Variants in MYCBP2 observed in about 807,000 individuals in gnomAD.
The protein encoded by MYCBP2 is MYC binding protein 2, also known as E3 ubiquitin-protein ligase MYCBP2.
Under a neutral mutation model 525.3 loss-of-function variants are expected in MYCBP2, and 120 were observed. The observed-to-expected ratio is 0.23, with a 90% CI of 0.20 to 0.27. The LOEUF is 0.27. Among genes scored for constraint, MYCBP2 ranks in the 10% least tolerant of loss-of-function variants. The pLI is 1.00. For synonymous variants in MYCBP2, 1,894 were observed against 1,955.8 expected (o/e 0.97, Z 0.83); for missense variants, 4,149 against 5,657.1 (o/e 0.73, Z 8.55).
At chr13:77,236,000 C>T (rs2067865543) in intron 17 of MYCBP2, among the ~76,000 whole-genome samples, 1 of 151,992 alleles carries the variant, frequency 6.6e-6, no homozygotes, top group South Asian at 2.1e-4. Context: ...CTATGAATAG[C>T]CTTTTGGTTT....
intron 55 of MYCBP2, among the ~76,000 whole-genome samples, chr13:77,110,708 C>T (rs1399183953): frequency 6.6e-6 from 1 of 152,112 alleles, no homozygotes; most frequent in Non-Finnish European, 1.5e-5. Flanking sequence ...CTGTAAAATT[C>T]CTCTTTGTAC....
At position 77,267,929 on chromosome 13, in the gene MYCBP2, T is replaced by C. The variant is rs907405582; in HGVS notation, c.1269A>G (p.Leu423=). ...TGTGGTTATTCACATCTCTATATAA[T>C]AAATAACCCTGATAACAGCAAAAAA... ...KSWLGYAQGY[L]LYRDVNNHSM... Residue 423 remains leucine, a synonymous_variant, in exon 8 of 83, where the codon TTA becomes TTG. Transcript: ENST00000544440. The C allele has an allele frequency of 1.2e-6, 2 of 1,610,264 alleles. No homozygotes were observed. The highest frequency in any genetic ancestry group is 2.7e-5 in the African/African-American group (2 of 74,718).
intron 43 of MYCBP2, among the ~76,000 whole-genome samples, chr13:77,163,986 ATC>A (rs1400686954): frequency 6.6e-6 from 1 of 152,168 alleles, no homozygotes; most frequent in East Asian, 1.9e-4. Context: ...ATCCTAAGCT[ATC>A]TTCTCTTTCT....
intron 18 of MYCBP2, among the ~76,000 whole-genome samples, chr13:77,226,239 C>T (rs185466071): frequency 6.6e-6 from 1 of 152,238 alleles, no homozygotes; most frequent in East Asian, 1.9e-4. Context: ...CTTCTTTCCT[C>T]CTCCCTTCTC....
At chr13:77,270,593 A>C in intron 5 of MYCBP2, 55 bp from the exon 6 acceptor site, 1 of 1,492,110 alleles carries the variant, frequency 6.7e-7, no homozygotes, top group South Asian at 1.3e-5. Context: ...TTACAAACAC[A>C]GAACAAAGAT....
At chr13:77,261,977 T>C in intron 11 of MYCBP2, 76 bp downstream of exon 11, 2 of 1,169,114 alleles carry the variant, frequency 1.7e-6, no homozygotes, top group Non-Finnish European at 1.2e-6. Flanking sequence ...GCAAACTATA[T>C]AAACTAATCA....
intron 7 of MYCBP2, 23 bp downstream of exon 7, chr13:77,269,969 G>A (rs777342212): frequency 5.7e-6 from 9 of 1,585,270 alleles, no homozygotes; most frequent in African/African-American, 1.4e-5. Flanking sequence ...GAAAATTTTG[G>A]TTTATTGTGG....
intron 14 of MYCBP2, among the ~76,000 whole-genome samples, chr13:77,251,733 C>T (rs545560443): frequency 6.6e-6 from 1 of 152,284 alleles, no homozygotes; most frequent in South Asian, 2.1e-4. Flanking sequence ...CTCCTACTGC[C>T]ACCAATCACC....
intron 1 of MYCBP2, among the ~76,000 whole-genome samples, chr13:77,321,454 A>G (rs965661619): frequency 6.6e-6 from 1 of 152,238 alleles, no homozygotes; most frequent in Non-Finnish European, 1.5e-5. Flanking sequence ...ACTTCCTGAC[A>G]TATTCCTACA....
chr13:77,225,035 T>C (rs762488830), intron 19 of MYCBP2, among the ~76,000 whole-genome samples: 8 of 152,214 alleles, frequency 5.3e-5, no homozygotes, highest in Non-Finnish European at 8.8e-5. Context: ...AATAATTTAC[T>C]AAGAATTTAA....
Position 77,136,681 on chromosome 13 carries a change from C to T in MYCBP2, c.7659+2515G>A, listed in dbSNP as rs186344753. On this transcript the variant is annotated intron_variant, in intron 52 of 82. Coordinates refer to ENST00000544440, the MANE Select transcript of MYCBP2 (RefSeq NM_015057.5). ...CAAACAATATTTCAAATATTCATTG[C>T]ATTTCTCAACCCCCTAACTTAACTC... Among the ~76,000 whole-genome samples, 3 of 152,256 alleles carry T rather than the reference C, an allele frequency of 2.0e-5. No individual in the cohort carries two copies. In the East Asian group the frequency reaches 5.8e-4, roughly 29 times the overall value.
rs56171857 is a variant in MYCBP2, at chr13:77,166,238, A to C, written c.6340+91T>G. 9,504 of 956,276 alleles carry C rather than the reference A, an allele frequency of 9.9e-3. 595 individuals are homozygous for C. The African/African-American group carries it at 0.13, about 13-fold the overall frequency. The allele number at this position is 956,276 out of a possible 1,614,324, so 59.2% of individuals were successfully genotyped here. A position where few individuals can be genotyped will look rare whatever the true frequency, so the allele number is the denominator to read the frequency against. On this transcript the variant is annotated intron_variant, in intron 41 of 82. Coordinates refer to ENST00000544440, the MANE Select transcript of MYCBP2 (RefSeq NM_015057.5). ...AGGTCTTTAATAAATTTCTCTAAAA[A>C]TTAGATAAACATTTTCAATGATACA...
At chr13:77,169,583 A>G (rs1340867891) in intron 39 of MYCBP2, 31 bp downstream of exon 39, 5 of 1,560,770 alleles carry the variant, frequency 3.2e-6, no homozygotes, top group Admixed American at 3.4e-5. Flanking sequence ...TTTAAAAAAA[A>G]CATTCAAAGT....
At chr13:77,303,616 T>C (rs1395539639) in intron 1 of MYCBP2, among the ~76,000 whole-genome samples, 1 of 151,676 alleles carries the variant, frequency 6.6e-6, no homozygotes, top group Non-Finnish European at 1.5e-5. Flanking sequence ...GACTTCTAAA[T>C]AAACTATGGG....
At position 77,320,670 on chromosome 13, in the gene MYCBP2, C is replaced by T. The variant is rs987097392; in HGVS notation, c.302+5804G>A. ...TACAGAGATGAAATCTAGTAGGTAC[C>T]GTCTTACCCAAGTAATCAGATTTAA... On this transcript the variant is annotated intron_variant, in intron 1 of 82. Transcript: ENST00000544440. Among the ~76,000 whole-genome samples the T allele has an allele frequency of 5.3e-5, 8 of 151,830 alleles. No homozygotes were observed. In the South Asian group the frequency reaches 8.3e-4, roughly 16 times the overall value.
chr13:77,127,346 T>A (rs901682005), intron 52 of MYCBP2, among the ~76,000 whole-genome samples: 1 of 151,956 alleles, frequency 6.6e-6, no homozygotes, highest in African/African-American at 2.4e-5. Context: ...TCTGTTAAAT[T>A]GTAATGCTGT....
chr13:77,064,654 T>C lies in MYCBP2; in HGVS notation c.12633A>G (p.Glu4211=). 6.2e-7 allele frequency: 1 copy of C among 1,613,640 alleles called. No individual in the cohort carries two copies. Among genetic ancestry groups the C allele is most frequent in the Non-Finnish European group, 8.5e-7 (1 of 1,179,764 alleles). Residue 4211 remains glutamate, a synonymous_variant, in exon 73 of 83, where the codon GAA becomes GAG. Coordinates refer to ENST00000544440, the MANE Select transcript of MYCBP2 (RefSeq NM_015057.5). Reference sequence around the variant, plus strand: ...TACATCTCACTGGAGACCTAAATTCTTCTTCCATCTTGGTCAAGGCAATGA... The same window carrying C: ...TACATCTCACTGGAGACCTAAATTCCTCTTCCATCTTGGTCAAGGCAATGA... ...ETIIALTKME[E]EFRSPVRCIA... is the part of the protein sequence containing the mutation.
chr13:77,160,302 A>G (rs9530623), intron 44 of MYCBP2, among the ~76,000 whole-genome samples: 147,835 of 152,322 alleles, frequency 0.97, 71,811 homozygotes, highest in East Asian at 1. Flanking sequence ...CACTAGCTGT[A>G]TGATCGTGGG....
chr13:77,236,791 G>A (rs930504326), intron 17 of MYCBP2, among the ~76,000 whole-genome samples: 5 of 152,004 alleles, frequency 3.3e-5, no homozygotes, highest in Non-Finnish European at 5.9e-5. Flanking sequence ...CTAGCTACTC[G>A]GGAGGCTGAG....
Sources: gnomAD v4.1 joint callset for allele counts (sites outside exome capture counted in the v4.1 genomes callset) on GRCh38, gnomAD v4.1.1 for gene constraint, MANE v1.5 for transcripts, NCBI Gene and HGNC (gene_info 2026-07-23, HGNC 2026-07-21) for gene names.